Variants in FRMD4A observed in about 807,000 individuals in gnomAD.
The protein encoded by FRMD4A is FERM domain-containing protein 4A.
A neutral mutation model predicts 129.1 loss-of-function variants in FRMD4A; 29 were observed. The ratio of observed to expected loss-of-function variants is 0.22; its 90% CI spans 0.17 to 0.31. The LOEUF (loss-of-function observed/expected upper bound fraction) is 0.31, where lower values mean the gene tolerates loss of function less well. Among genes scored for constraint, FRMD4A ranks in the 10% least tolerant of loss-of-function variants. FRMD4A has a pLI of 1.00. For missense variants in FRMD4A, 1,272 were observed against 1,375.8 expected, an observed-to-expected ratio of 0.92 and a Z score of 1.19; for synonymous variants, 634 against 571.6, an observed-to-expected ratio of 1.11 and a Z score of -1.56.
chr10:14,123,097 A>T (rs1374121671), intron 2 of FRMD4A, among the ~76,000 whole-genome samples: 1 of 143,254 alleles, frequency 7.0e-6, no homozygotes, highest in East Asian at 2.1e-4. Flanking sequence ...ATATTAAAAA[A>T]CCTTTTAAAC....
Position 13,659,427 on chromosome 10 carries a change from C to T in FRMD4A, c.1962G>A (p.Leu654=). The T allele has an allele frequency of 6.2e-7, 1 of 1,614,020 alleles. No individual in the cohort carries two copies. Among genetic ancestry groups the T allele is most frequent in the Non-Finnish European group, 8.5e-7 (1 of 1,180,012 alleles). Reference sequence around the variant, plus strand: ...GGAGGCCGCGGATGGGGCTGTTCTGCAAGGAGTTGCTTCCTCCGCCGGCTT... The same window carrying T: ...GGAGGCCGCGGATGGGGCTGTTCTGTAAGGAGTTGCTTCCTCCGCCGGCTT... The part of the protein sequence containing the change: ...CAEAGGGSNS[L]QNSPIRGLPH... The change falls in exon 21 of 25, where the codon TTG becomes TTA. Residue 654 remains leucine (L), a synonymous_variant. Transcript: ENST00000357447.
chr10:13,654,706 CCCCAACCTCTGCATCCCA>C (rs2081989795), intron 22 of FRMD4A, 194 bp from the exon 23 acceptor site: 4 of 583,036 alleles, frequency 6.9e-6, no homozygotes, highest in Admixed American at 3.1e-5. Flanking sequence ...CTACATGCCC[CCCCAACCTCTGCATCCCA>C]CCCATTCCAT....
intron 2 of FRMD4A, among the ~76,000 whole-genome samples, chr10:14,314,343 G>A (rs1846658901): frequency 6.6e-6 from 1 of 152,176 alleles, no homozygotes; most frequent in Non-Finnish European, 1.5e-5. Flanking sequence ...CCACGTACAG[G>A]ACCCTAGCTG....
chr10:14,297,829 T>C (rs1291463832), intron 2 of FRMD4A, among the ~76,000 whole-genome samples: 1 of 152,192 alleles, frequency 6.6e-6, no homozygotes, highest in Admixed American at 6.5e-5. Context: ...TTATGGTGAC[T>C]GGAGACTATA....
intron 6 of FRMD4A, among the ~76,000 whole-genome samples, chr10:13,770,142 C>T (rs1057310657): frequency 1.3e-5 from 2 of 152,330 alleles, no homozygotes; most frequent in Middle Eastern, 3.4e-3. Context: ...CTCTATGCCT[C>T]ATTGCACAAC....
chr10:13,897,087 G>A (rs2094767475), intron 2 of FRMD4A, among the ~76,000 whole-genome samples: 1 of 152,212 alleles, frequency 6.6e-6, no homozygotes. Flanking sequence ...AAGTGGCTAT[G>A]AATCAAAGAA....
chr10:14,114,845 CT>C (rs1838114330), intron 2 of FRMD4A, among the ~76,000 whole-genome samples: 1 of 152,198 alleles, frequency 6.6e-6, no homozygotes, highest in South Asian at 2.1e-4. Context: ...CCCATTTAAG[CT>C]ACTGGGATTA....
At chr10:14,179,357 C>T (rs1841835199) in intron 2 of FRMD4A, among the ~76,000 whole-genome samples, 2 of 152,184 alleles carry the variant, frequency 1.3e-5, no homozygotes, top group African/African-American at 4.8e-5. Flanking sequence ...TATTTAGAAA[C>T]ATCTTCATCA....
chr10:14,311,242 C>A (rs1316186112), intron 2 of FRMD4A, among the ~76,000 whole-genome samples: 1 of 152,162 alleles, frequency 6.6e-6, no homozygotes. Context: ...CATCGCAGTC[C>A]CTAATTGAAG....
At chr10:14,179,849 T>C (rs1222030774) in intron 2 of FRMD4A, among the ~76,000 whole-genome samples, 1 of 152,136 alleles carries the variant, frequency 6.6e-6, no homozygotes, top group African/African-American at 2.4e-5. Flanking sequence ...GCCTGATCAA[T>C]ATGACAAAAC....
At chr10:14,135,601 TA>T (rs1839492046) in intron 2 of FRMD4A, among the ~76,000 whole-genome samples, 1 of 152,192 alleles carries the variant, frequency 6.6e-6, no homozygotes, top group Admixed American at 6.5e-5. Flanking sequence ...TCAAGAGGCA[TA>T]GGGGTTCACA....
chr10:13,721,396 C>T (rs760572541), intron 12 of FRMD4A, among the ~76,000 whole-genome samples: 2 of 152,058 alleles, frequency 1.3e-5, no homozygotes, highest in African/African-American at 2.4e-5. Flanking sequence ...GGAGGAGAAT[C>T]GCTGGAATCC....
At position 14,220,783 on chromosome 10, in the gene FRMD4A, CGTGTGT is replaced by C. The variant is rs71388166; in HGVS notation, c.45+109269_45+109274del. ...GCAACCAGAGGAGTTGGCTGAGTTG[CGTGTGT>C]GTGTGTGTGTGTGTGTGTGTGTTTG... On this transcript the variant is annotated intron_variant, in intron 2 of 24. Coordinates refer to ENST00000357447, the MANE Select transcript of FRMD4A (RefSeq NM_018027.5). Among the ~76,000 whole-genome samples the C allele has an allele frequency of 6.9e-3, 972 of 141,714 alleles. 12 individuals are homozygous for C. Among genetic ancestry groups the C allele is most frequent in the East Asian group, 0.026 (119 of 4,600 alleles). 93.0% of individuals were successfully genotyped at this position (141,714 alleles called of 152,430 possible). A position where few individuals can be genotyped will look rare whatever the true frequency, so the allele number is the denominator to read the frequency against.
At chr10:13,677,312 C>T (rs927232636) in intron 15 of FRMD4A, among the ~76,000 whole-genome samples, 3 of 152,234 alleles carry the variant, frequency 2.0e-5, no homozygotes, top group Admixed American at 2.0e-4. Context: ...AAGCAGCTAA[C>T]AAATATTAGC....
At chr10:13,849,576 G>A (rs79475424) in intron 3 of FRMD4A, among the ~76,000 whole-genome samples, 1 of 150,542 alleles carries the variant, frequency 6.6e-6, no homozygotes, top group Non-Finnish European at 1.5e-5. Context: ...CATCTCCCAC[G>A]TTCAAGGGAT....
At chr10:14,292,867 C>T (rs1048057111) in intron 2 of FRMD4A, among the ~76,000 whole-genome samples, 4 of 151,580 alleles carry the variant, frequency 2.6e-5, no homozygotes, top group Non-Finnish European at 5.9e-5. Context: ...AGTTCTTAAA[C>T]AAAACATTAA....
chr10:13,956,033 G>A lies in FRMD4A; in HGVS notation c.46-97121C>T, dbSNP rs1176846499. 2.0e-5 allele frequency among the ~76,000 whole-genome samples: 3 copies of A among 152,222 alleles called. No individual in the cohort carries two copies. In the East Asian group the frequency reaches 5.8e-4, roughly 29 times the overall value. Reference sequence around the variant, plus strand: ...GCAAAGGGATCTTCCTAGAAAGGCAGATTCCCAGGAGTACTTCAATACTGA... The same window carrying A: ...GCAAAGGGATCTTCCTAGAAAGGCAAATTCCCAGGAGTACTTCAATACTGA... On this transcript the variant is annotated intron_variant, in intron 2 of 24. Coordinates refer to ENST00000357447, the MANE Select transcript of FRMD4A (RefSeq NM_018027.5).
chr10:13,955,705 C>T (rs1243829536), intron 2 of FRMD4A, among the ~76,000 whole-genome samples: 1 of 152,202 alleles, frequency 6.6e-6, no homozygotes, highest in Non-Finnish European at 1.5e-5. Context: ...GAGCCAGTGC[C>T]CTGCCGGGGT....
intron 4 of FRMD4A, among the ~76,000 whole-genome samples, chr10:13,805,163 A>C (rs2093338421): frequency 6.6e-6 from 1 of 151,804 alleles, no homozygotes; most frequent in Non-Finnish European, 1.5e-5. Flanking sequence ...TTTCTTTAAG[A>C]GATGGGGTCT....
Sources: allele counts gnomAD v4.1 joint callset (sites outside exome capture counted in the v4.1 genomes callset), GRCh38; gene constraint gnomAD v4.1.1; transcripts MANE v1.5; gene names NCBI Gene and HGNC (gene_info 2026-07-23, HGNC 2026-07-21).